CXorf38: variants seen among roughly 807,000 people sequenced by gnomAD.
CXorf38 encodes chromosome X open reading frame 38, also known as uncharacterized protein CXorf38.
Under a neutral mutation model 27.5 loss-of-function variants are expected in CXorf38, and 13 were observed. The ratio of observed to expected loss-of-function variants is 0.47; its 90% CI spans 0.31 to 0.75. The LOEUF (loss-of-function observed/expected upper bound fraction) is 0.75. CXorf38 is among the 30% of genes least tolerant of loss of function. The probability of loss-of-function intolerance (pLI) is 0.05; values close to 1 mark genes in which losing one functional copy is unlikely to be tolerated. For synonymous variants in CXorf38, 100 were observed against 99.8 expected (o/e 1.00, Z -0.01); for missense variants, 240 against 253.2 (o/e 0.95, Z 0.35).
intron 5 of CXorf38, 106 bp from the exon 6 acceptor site, chrX:40,630,879 CAA>C: frequency 1.4e-6 from 1 of 738,040 alleles, no homozygotes; most frequent in Non-Finnish European, 1.9e-6. Flanking sequence ...CTCACGTGCC[CAA>C]GAGACAGAAA....
At chrX:40,631,721 A>G in intron 5 of CXorf38, among the ~76,000 whole-genome samples, 1 of 112,492 alleles carries the variant, frequency 8.9e-6, no homozygotes. Flanking sequence ...CTTAAACTGC[A>G]GAGCGTACAT....
At chrX:40,631,252 TATACACACAC>T (rs1251880999) in intron 5 of CXorf38, among the ~76,000 whole-genome samples, 61 of 37,658 alleles carry the variant, frequency 1.6e-3, no homozygotes, top group African/African-American at 4.4e-3. Flanking sequence ...TGTATATATA[TATACACACAC>T]ACACACACAC....
At position 40,639,736 on chromosome X, in the gene CXorf38, C is replaced by T. The variant is rs143723754; in HGVS notation, c.352-608G>A. 6.4e-3 allele frequency: 763 copies of T among 118,356 alleles called. 7 individuals carry two copies. Among genetic ancestry groups the T allele is most frequent in the African/African-American group, 0.023 (708 of 30,371 alleles). 9.8% of individuals were successfully genotyped at this position (118,356 alleles called of 1,213,427 possible). A position where few individuals can be genotyped will look rare whatever the true frequency, so the allele number is the denominator to read the frequency against. On this transcript the variant is annotated intron_variant, in intron 2 of 6. Coordinates refer to ENST00000327877, the MANE Select transcript of CXorf38 (RefSeq NM_144970.3). ...GCACTAGCACAGTGCTAGGCACGTGCTAGTAACCAGGACATCAATGTTGGC... is the reference window on the plus strand; with the variant it reads ...GCACTAGCACAGTGCTAGGCACGTGTTAGTAACCAGGACATCAATGTTGGC...
intron 5 of CXorf38, among the ~76,000 whole-genome samples, chrX:40,635,688 A>C (rs1384831221): frequency 8.9e-6 from 1 of 112,358 alleles, no homozygotes; most frequent in East Asian, 2.8e-4. Context: ...AACTAGAAAC[A>C]TTGATAATCC....
intron 2 of CXorf38, among the ~76,000 whole-genome samples, chrX:40,643,343 G>A (rs1928423331): frequency 1.8e-5 from 2 of 111,741 alleles, no homozygotes; most frequent in Non-Finnish European, 3.8e-5. Context: ...CATATTTAAA[G>A]AGGTGTGCAA....
intron 2 of CXorf38, 135 bp from the exon 3 acceptor site, chrX:40,639,263 T>C: frequency 1.5e-6 from 1 of 665,157 alleles, no homozygotes; most frequent in Non-Finnish European, 2.2e-6. Context: ...TAAAGCCTCA[T>C]GAGCCCAAAA....
Position 40,630,609 on chromosome X carries a change from C to A in CXorf38, c.*1+5G>T, listed in dbSNP as rs964534866. 1 of 1,204,475 alleles carries A rather than the reference C, an allele frequency of 8.3e-7. No homozygotes were observed. The highest frequency in any genetic ancestry group is 2.2e-5 in the Admixed American group (1 of 45,482). ...TCTTTAACACCATCATCTGCCTGAA[C>A]TCACCTCAGGCCTTCCTGTCAGGTG... On this transcript the variant is annotated splice_donor_5th_base_variant and intron_variant, in intron 6 of 6. Coordinates refer to ENST00000327877, the MANE Select transcript of CXorf38 (RefSeq NM_144970.3).
chrX:40,637,203 G>A (rs904981548), intron 3 of CXorf38, 47 bp from the exon 4 acceptor site: 3 of 950,442 alleles, frequency 3.2e-6, no homozygotes, highest in South Asian at 5.6e-5. Context: ...AAACAATGGG[G>A]TAAACTGAGA....
chrX:40,641,800 A>G (rs1299018204), intron 2 of CXorf38, among the ~76,000 whole-genome samples: 1 of 112,280 alleles, frequency 8.9e-6, no homozygotes, highest in Non-Finnish European at 1.9e-5. Flanking sequence ...ATTGTATTGC[A>G]TACCACCGTG....
At position 40,630,626 on chromosome X, in the gene CXorf38, T is replaced by C. The variant is rs1291570538; in HGVS notation, c.949A>G (p.Arg317Gly). The C allele has an allele frequency of 1.2e-5, 15 of 1,208,290 alleles. No homozygotes were observed. The highest frequency in any genetic ancestry group is 1.6e-5 in the Non-Finnish European group (14 of 894,273). ...SQEPGRQTPD[R>G]KA is the part of the protein sequence containing the mutation. Reference sequence around the variant, plus strand: ...TGCCTGAACTCACCTCAGGCCTTCCTGTCAGGTGTTTGTCTCCCAGGTTCC... The same window carrying C: ...TGCCTGAACTCACCTCAGGCCTTCCCGTCAGGTGTTTGTCTCCCAGGTTCC... Residue 317 changes from arginine (R) to glycine (G), a missense_variant, in exon 6 of 7, where the codon AGG (arginine) becomes GGG (glycine). By Grantham distance (125) the Arg-to-Gly change is moderately radical. Transcript: ENST00000327877.
At chrX:40,645,431 C>T (rs972906830) in intron 2 of CXorf38, among the ~76,000 whole-genome samples, 4 of 111,385 alleles carry the variant, frequency 3.6e-5, no homozygotes, top group African/African-American at 9.8e-5. Flanking sequence ...AAAGCAGCAA[C>T]GCAGACCAAA....
chrX:40,631,254 TACACACACACACAC>T (rs56725827), intron 5 of CXorf38, among the ~76,000 whole-genome samples: 12 of 88,947 alleles, frequency 1.3e-4, no homozygotes, highest in South Asian at 6.2e-4. Context: ...TATATATATA[TACACACACACACAC>T]ACACACACAC....
intron 5 of CXorf38, among the ~76,000 whole-genome samples, chrX:40,634,974 C>T (rs1334292005): frequency 1.8e-5 from 2 of 112,213 alleles, no homozygotes; most frequent in Non-Finnish European, 3.8e-5. Flanking sequence ...AGATCTGCAG[C>T]ACAGCAGGCG....
chrX:40,646,819 T>C (rs758801316), intron 2 of CXorf38, among the ~76,000 whole-genome samples, 188 bp downstream of exon 2: 10 of 110,953 alleles, frequency 9.0e-5, no homozygotes, highest in African/African-American at 3.0e-4. Flanking sequence ...AGCAGACGGG[T>C]AGAAGAAAGC....
intron 6 of CXorf38, chrX:40,630,392 G>A (rs766873423): frequency 1.8e-4 from 59 of 333,249 alleles, no homozygotes; most frequent in African/African-American, 1.5e-3. Context: ...GACTTCAGGT[G>A]TATTTGGCTA....
chrX:40,647,399 A>G lies in CXorf38; in HGVS notation c.122T>C (p.Leu41Pro). The G allele has an allele frequency of 2.5e-6, 3 of 1,184,941 alleles. No individual in the cohort carries two copies. The highest frequency in any genetic ancestry group is 3.4e-6 in the Non-Finnish European group (3 of 886,368). Residue 41 changes from leucine to proline, a missense_variant, in exon 1 of 7, where the codon CTC becomes CCC. Coordinates refer to ENST00000327877, the MANE Select transcript of CXorf38 (RefSeq NM_144970.3). ...CLQGFVGREV[L>P]SFHRGLLAAA... ...GGCGAGTAGGCCGCGGTGGAAGGAG[A>G]GCACCTCGCGGCCGACGAAACCCTG...
At chrX:40,642,248 G>A (rs1928356724) in intron 2 of CXorf38, among the ~76,000 whole-genome samples, 1 of 111,479 alleles carries the variant, frequency 9.0e-6, no homozygotes, top group South Asian at 3.7e-4. Flanking sequence ...AGGGTGGGGG[G>A]CAAAGACAAA....
intron 5 of CXorf38, among the ~76,000 whole-genome samples, chrX:40,631,220 CAT>C (rs1324809186): frequency 2.7e-5 from 1 of 36,373 alleles, no homozygotes; most frequent in African/African-American, 5.9e-5. Flanking sequence ...TATATATATA[CAT>C]GTGTATATAT....
At chrX:40,638,896 CT>C in intron 3 of CXorf38, 112 bp downstream of exon 3, 2 of 901,826 alleles carry the variant, frequency 2.2e-6, no homozygotes, top group Non-Finnish European at 1.5e-6. Context: ...CGGGGAGCTA[CT>C]ACGTGCTATA....
Sources: allele counts gnomAD v4.1 joint callset (sites outside exome capture counted in the v4.1 genomes callset), GRCh38; gene constraint gnomAD v4.1.1; transcripts MANE v1.5; gene names NCBI Gene and HGNC (gene_info 2026-07-23, HGNC 2026-07-21).